The following DNM3 variants were observed in gnomAD, a reference collection of about 807,000 sequenced individuals.
DNM3 encodes dynamin 3.
A neutral mutation model predicts 101.6 loss-of-function variants in DNM3; 47 were observed. That is an observed-to-expected ratio of 0.46 (90% confidence interval 0.37 to 0.59). DNM3 has a LOEUF of 0.59. Among genes scored for constraint, DNM3 ranks in the 20% least tolerant of loss-of-function variants. The probability of loss-of-function intolerance (pLI) is 0.00; values close to 1 mark genes in which losing one functional copy is unlikely to be tolerated. For missense variants in DNM3, 849 were observed against 1,085.7 expected, an observed-to-expected ratio of 0.78 and a Z score of 3.06; for synonymous variants, 385 against 387.9, an observed-to-expected ratio of 0.99 and a Z score of 0.09.
chr1:172,304,567 C>A (rs1001729566), intron 15 of DNM3, among the ~76,000 whole-genome samples: 1 of 152,192 alleles, frequency 6.6e-6, no homozygotes, highest in Non-Finnish European at 1.5e-5. Flanking sequence ...TATCCCAAAT[C>A]AAGAGAATAC....
At chr1:171,986,361 T>G (rs185316011) in intron 2 of DNM3, among the ~76,000 whole-genome samples, 29 of 152,338 alleles carry the variant, frequency 1.9e-4, no homozygotes, top group Non-Finnish European at 3.1e-4. Context: ...AATGCTAACC[T>G]GCTTGAAGAC....
At chr1:172,073,930 C>T (rs1439201420) in intron 11 of DNM3, among the ~76,000 whole-genome samples, 2 of 152,146 alleles carry the variant, frequency 1.3e-5, no homozygotes, top group African/African-American at 2.4e-5. Context: ...TGTTTTCTGT[C>T]AGCCTCCTCG....
chr1:172,411,190 T>C lies in DNM3; in HGVS notation c.*3349T>C. ...TTTTAAACTGTGATAATACAACAGA[T>C]AGCTTTGAATGATCTGCCATAACAT... is the stretch of plus-strand genomic sequence containing the variant. On this transcript the variant is annotated 3_prime_UTR_variant, in exon 21 of 21. Transcript: ENST00000627582. 1 of 985,284 alleles carries C rather than the reference T, an allele frequency of 1.0e-6. No individual in the cohort carries two copies. 61.0% of individuals were successfully genotyped at this position (985,284 alleles called of 1,614,324 possible).
chr1:172,290,308 G>A (rs1573315827), intron 15 of DNM3, among the ~76,000 whole-genome samples: 1 of 152,170 alleles, frequency 6.6e-6, no homozygotes, highest in South Asian at 2.1e-4. Context: ...CAGGATTTTA[G>A]CTAGAGGGGT....
intron 12 of DNM3, among the ~76,000 whole-genome samples, chr1:172,082,685 A>ACCT (rs2053247470): frequency 6.6e-6 from 1 of 152,232 alleles, no homozygotes; most frequent in South Asian, 2.1e-4. Flanking sequence ...GTATTCAAGA[A>ACCT]CAGAGACAAA....
intron 1 of DNM3, among the ~76,000 whole-genome samples, chr1:171,854,122 A>G (rs531882220): frequency 2.0e-5 from 3 of 152,324 alleles, no homozygotes; most frequent in Middle Eastern, 3.4e-3. Flanking sequence ...CCTTAACAGA[A>G]ACTAGTGTAG....
chr1:171,866,843 A>C (rs1323730541), intron 1 of DNM3, among the ~76,000 whole-genome samples: 3 of 152,100 alleles, frequency 2.0e-5, no homozygotes, highest in African/African-American at 4.8e-5. Flanking sequence ...ATTCTCACAT[A>C]GTAGGTGTTC....
chr1:172,048,714 A>G lies in DNM3; in HGVS notation c.1299A>G (p.Gln433=), dbSNP rs751849756. ...PSLKSVDLVI[Q]ELINTVKKCT... ...TGAAGAGTGTGGATCTGGTAATACA[A>G]GAATTAATCAACACTGTGAAGAAGT... The change falls in exon 10 of 21, where the codon CAA becomes CAG. Residue 433 remains glutamine, a synonymous_variant. Transcript: ENST00000627582. 3.1e-6 allele frequency: 5 copies of G among 1,612,708 alleles called. No individual in the cohort carries two copies. The South Asian group carries it at 4.4e-5, about 14-fold the overall frequency.
intron 17 of DNM3, among the ~76,000 whole-genome samples, chr1:172,346,856 G>C (rs1227824797): frequency 1.3e-5 from 2 of 152,140 alleles, no homozygotes; most frequent in African/African-American, 2.4e-5. Flanking sequence ...CTGGCAAACA[G>C]GTGTAAAGCT....
intron 15 of DNM3, among the ~76,000 whole-genome samples, chr1:172,281,744 CTTTG>C (rs2063498421): frequency 6.6e-6 from 1 of 151,908 alleles, no homozygotes; most frequent in Admixed American, 6.6e-5. Context: ...ATGTTAGCTT[CTTTG>C]TTTGGCAGTA....
At chr1:171,957,885 C>T (rs1571829927) in intron 2 of DNM3, among the ~76,000 whole-genome samples, 2 of 152,192 alleles carry the variant, frequency 1.3e-5, no homozygotes. Context: ...GCCCTCCAAA[C>T]TGTTCTAACC....
At chr1:172,392,607 C>A (rs1255183132) in intron 20 of DNM3, among the ~76,000 whole-genome samples, 6 of 152,166 alleles carry the variant, frequency 3.9e-5, no homozygotes, top group Non-Finnish European at 5.9e-5. Context: ...ATTAACGGAA[C>A]AAATTCACTG....
At chr1:172,056,545 G>A (rs1351798026) in intron 10 of DNM3, among the ~76,000 whole-genome samples, 6 of 152,110 alleles carry the variant, frequency 3.9e-5, no homozygotes, top group African/African-American at 4.8e-5. Context: ...CCTGACCCCC[G>A]AGCAGCCTAA....
intron 4 of DNM3, among the ~76,000 whole-genome samples, chr1:172,028,296 A>G (rs943692885): frequency 2.0e-5 from 3 of 152,236 alleles, no homozygotes; most frequent in African/African-American, 7.2e-5. Context: ...TGGAAACTGA[A>G]CAACCTGCTC....
At position 172,182,434 on chromosome 1, in the gene DNM3, A is replaced by T. The variant is rs570636921; in HGVS notation, c.1659+51146A>T. ...TTACATACCTTAAATGGTACTAGAGATGAAGTAATAAAACACACTTTTTCC... is the reference window on the plus strand; with the variant it reads ...TTACATACCTTAAATGGTACTAGAGTTGAAGTAATAAAACACACTTTTTCC... On this transcript the variant is annotated intron_variant, in intron 14 of 20. Transcript: ENST00000627582. Among the ~76,000 whole-genome samples, 7 of 152,246 alleles carry T rather than the reference A, an allele frequency of 4.6e-5. No individual in the cohort carries two copies. In the South Asian group the frequency reaches 1.2e-3, roughly 27 times the overall value.
At chr1:171,986,006 C>A (rs2045225739) in intron 2 of DNM3, among the ~76,000 whole-genome samples, 1 of 152,112 alleles carries the variant, frequency 6.6e-6, no homozygotes, top group Non-Finnish European at 1.5e-5. Context: ...GGTTTCATAC[C>A]AAACATAAAT....
rs71637438 is a variant in DNM3 at position 172,312,099 on chromosome 1, G to C, written c.1881+3260G>C. Among the ~76,000 whole-genome samples, 1,119 of 152,250 alleles carry C rather than the reference G, an allele frequency of 7.3e-3. 6 individuals carry two copies. The highest frequency in any genetic ancestry group is 0.012 in the Admixed American group (181 of 15,302). On this transcript the variant is annotated intron_variant, in intron 16 of 20. Transcript: ENST00000627582. ...ATTTTGTGAACACTCACTTATATTTGGGGGAAGGAAATTATTTTTAGGTAG... is the reference window on the plus strand; with the variant it reads ...ATTTTGTGAACACTCACTTATATTTCGGGGAAGGAAATTATTTTTAGGTAG...
rs1047291131 is a variant in DNM3 at position 172,056,959 on chromosome 1, G to A, written c.1335+8209G>A. On this transcript the variant is annotated intron_variant, in intron 10 of 20. Transcript: ENST00000627582. Reference sequence around the variant, plus strand: ...TGAAAACTTTGAAAAAAATTTAGACGAATGTATAACTAGAATAACCAATAC... The same window carrying A: ...TGAAAACTTTGAAAAAAATTTAGACAAATGTATAACTAGAATAACCAATAC... Among the ~76,000 whole-genome samples, 22 of 152,096 alleles carry A rather than the reference G, an allele frequency of 1.4e-4. No individual in the cohort carries two copies. In the East Asian group the frequency reaches 1.7e-3, roughly 12 times the overall value.
At chr1:171,948,912 T>C (rs1468588204) in intron 2 of DNM3, among the ~76,000 whole-genome samples, 1 of 152,238 alleles carries the variant, frequency 6.6e-6, no homozygotes, top group East Asian at 1.9e-4. Context: ...TTCAATTATG[T>C]AATTTGTTTA....
Sources: allele counts gnomAD v4.1 joint callset (sites outside exome capture counted in the v4.1 genomes callset), GRCh38; gene constraint gnomAD v4.1.1; transcripts MANE v1.5; gene names NCBI Gene and HGNC (gene_info 2026-07-23, HGNC 2026-07-21).